The following LRCH1 variants were observed in gnomAD, a reference collection of about 807,000 sequenced individuals.
The protein encoded by LRCH1 is leucine-rich repeat and calponin homology domain-containing protein 1.
A neutral mutation model predicts 94.9 loss-of-function variants in LRCH1; 23 were observed. The ratio of observed to expected loss-of-function variants is 0.24; its 90% confidence interval spans 0.17 to 0.34. The LOEUF (loss-of-function observed/expected upper bound fraction) is 0.34, where lower values mean the gene tolerates loss of function less well. Among genes scored for constraint, LRCH1 ranks in the 10% least tolerant of loss-of-function variants. The pLI, the probability that LRCH1 is intolerant of heterozygous loss-of-function variation, is 1.00. For synonymous variants in LRCH1, 364 were observed against 354.9 expected, an observed-to-expected ratio of 1.03 and a Z score of -0.29; for missense variants, 790 against 945.9, an observed-to-expected ratio of 0.84 and a Z score of 2.16.
downstream of LRCH1, chr13:46,744,902 T>G (rs1422801386): frequency 1.0e-6 from 1 of 984,688 alleles, no homozygotes; most frequent in East Asian, 1.1e-4. Context: ...GTATATAGAA[T>G]GTGCCCTTTT....
chr13:46,741,658 C>T lies in LRCH1; in HGVS notation c.2102C>T (p.Pro701Leu), dbSNP rs1858324389. Residue 701 changes from proline (P) to leucine (L), a missense_variant, in exon 20 of 20, where the codon CCG (proline) becomes CTG (leucine). Pro to Leu is a moderately conservative substitution (Grantham distance 98). Transcript: ENST00000389797. ...TCGGAATAGGCTGACCTCTGCTCTC[C>T]GTGTGACATCCTGCAGTTGGATTTT... ...LGVPEADLCSPCDILQLDFRH... is the reference protein window; with the variant it reads ...LGVPEADLCSLCDILQLDFRH... The T allele has an allele frequency of 7.4e-6, 12 of 1,614,050 alleles. No individual in the cohort carries two copies. In the Middle Eastern group the frequency reaches 6.6e-4, roughly 88 times the overall value.
intron 1 of LRCH1, among the ~76,000 whole-genome samples, chr13:46,581,474 C>A (rs1404348286): frequency 6.6e-6 from 1 of 152,214 alleles, no homozygotes; most frequent in Non-Finnish European, 1.5e-5. Context: ...GTAAGAATAG[C>A]TGGCGTCCAG....
intron 2 of LRCH1, among the ~76,000 whole-genome samples, chr13:46,659,008 T>G (rs886357792): frequency 6.6e-6 from 1 of 152,180 alleles, no homozygotes; most frequent in Non-Finnish European, 1.5e-5. Flanking sequence ...CATTTTAATT[T>G]GGGGCTTCAC....
intron 1 of LRCH1, among the ~76,000 whole-genome samples, chr13:46,594,209 A>G (rs1426831940): frequency 6.6e-6 from 1 of 151,804 alleles, no homozygotes; most frequent in Non-Finnish European, 1.5e-5. Flanking sequence ...CCATGTTCTT[A>G]CTGTTTTGCC....
At chr13:46,706,264 G>A (rs1871754810) in intron 13 of LRCH1, among the ~76,000 whole-genome samples, 2 of 152,172 alleles carry the variant, frequency 1.3e-5, no homozygotes, top group Non-Finnish European at 2.9e-5. Flanking sequence ...ATTCATTACT[G>A]TAATTGGGAT....
At chr13:46,608,140 T>C (rs565985301) in intron 1 of LRCH1, among the ~76,000 whole-genome samples, 20 of 152,198 alleles carry the variant, frequency 1.3e-4, no homozygotes, top group Non-Finnish European at 2.8e-4. Flanking sequence ...CTTTCCAAAG[T>C]TACCAGAACT....
intron 1 of LRCH1, among the ~76,000 whole-genome samples, chr13:46,603,426 T>G (rs2050653323): frequency 6.6e-6 from 1 of 152,126 alleles, no homozygotes; most frequent in Non-Finnish European, 1.5e-5. Flanking sequence ...AAAGCTAGTG[T>G]CGCTGAGGTG....
chr13:46,619,100 C>CTTCCTTCCTTCCTTCT (rs1566180407), intron 1 of LRCH1, among the ~76,000 whole-genome samples: 16 of 76,128 alleles, frequency 2.1e-4, no homozygotes, highest in African/African-American at 1.5e-3. Flanking sequence ...TCCTTCCTTC[C>CTTCCTTCCTTCCTTCT]TTCCTTCCTT....
At chr13:46,660,524 T>C (rs9534454) in intron 2 of LRCH1, among the ~76,000 whole-genome samples, 115,941 of 152,052 alleles carry the variant, frequency 0.76, 44,501 homozygotes, top group East Asian at 0.91. Flanking sequence ...ACACACATTT[T>C]GTATTTTCTC....
At chr13:46,712,054 G>A (rs1165060410) in intron 14 of LRCH1, among the ~76,000 whole-genome samples, 2 of 152,126 alleles carry the variant, frequency 1.3e-5, no homozygotes, top group Non-Finnish European at 2.9e-5. Flanking sequence ...TTTAAAAACC[G>A]AATGTAGGAA....
rs192950952 is a variant in LRCH1 at position 46,711,820 on chromosome 13, C to G, written c.1557C>G (p.Asn519Lys). ...AAAGTGATCTAACATTACAGAGTAA[C>G]GGGAGCCAGTATTCTCCAAATGAGG... Reference protein sequence around the residue: ...EVQSDLTLQSNGSQYSPNEIR... With the variant: ...EVQSDLTLQSKGSQYSPNEIR... The change falls in exon 14 of 20, where the codon AAC becomes AAG. Residue 519 changes from asparagine (N) to lysine (K), a missense_variant. Around this residue, in one of 3 missense-constraint regions of LRCH1, gnomAD observed 460 missense variants for 508.9 expected, o/e 0.90. Transcript: ENST00000389797. 1.2e-6 allele frequency: 2 copies of G among 1,612,864 alleles called. No homozygotes were observed. Among genetic ancestry groups the G allele is most frequent in the South Asian group, 2.2e-5 (2 of 90,962 alleles).
intron 8 of LRCH1, 70 bp from the exon 9 acceptor site, chr13:46,694,823 G>A: frequency 6.5e-7 from 1 of 1,533,474 alleles, no homozygotes; most frequent in Non-Finnish European, 9.0e-7. Flanking sequence ...GATCATATTT[G>A]AAGATCAGCT....
rs114267819 is a variant in LRCH1, at chr13:46,732,640, A to G, written c.2008-1281A>G. Among the ~76,000 whole-genome samples, 1,008 of 152,342 alleles carry G rather than the reference A, an allele frequency of 6.6e-3. 13 individuals are homozygous for G. Among genetic ancestry groups the G allele is most frequent in the African/African-American group, 0.023 (942 of 41,568 alleles). The stretch of plus-strand genomic sequence containing the variant: ...TTCAGAAAAGACTCACCTAAATCAT[A>G]AGTAAATGAAGGAAGATAATGGGCC... On this transcript the variant is annotated intron_variant, in intron 18 of 19. Coordinates refer to ENST00000389797, the MANE Select transcript of LRCH1 (RefSeq NM_001164211.2).
chr13:46,682,758 C>T (rs897463171), intron 4 of LRCH1, among the ~76,000 whole-genome samples: 3 of 152,178 alleles, frequency 2.0e-5, no homozygotes, highest in African/African-American at 7.2e-5. Flanking sequence ...GACATGGCTC[C>T]CAACCATCCA....
At chr13:46,556,892 A>G (rs1334787480) in intron 1 of LRCH1, among the ~76,000 whole-genome samples, 1 of 152,202 alleles carries the variant, frequency 6.6e-6, no homozygotes, top group African/African-American at 2.4e-5. Context: ...TGGGGACACA[A>G]CAGTGACCAA....
At chr13:46,658,510 T>C (rs1300824102) in intron 2 of LRCH1, among the ~76,000 whole-genome samples, 1 of 152,214 alleles carries the variant, frequency 6.6e-6, no homozygotes, top group Non-Finnish European at 1.5e-5. Flanking sequence ...GGCAGGGTCT[T>C]GCTCCATCAC....
chr13:46,715,445 A>G, intron 15 of LRCH1, 115 bp from the exon 16 acceptor site: 1 of 645,272 alleles, frequency 1.5e-6, no homozygotes, highest in Non-Finnish European at 2.8e-6. Flanking sequence ...TATAAATGAA[A>G]TCCACTCTTC....
At chr13:46,603,809 A>G (rs916404832) in intron 1 of LRCH1, among the ~76,000 whole-genome samples, 3 of 152,024 alleles carry the variant, frequency 2.0e-5, no homozygotes, top group Non-Finnish European at 4.4e-5. Context: ...GGCTCGTGCC[A>G]CCATAGCTGG....
chr13:46,735,809 T>TTTTTTTTTTTTTC (rs1566257882), intron 19 of LRCH1, among the ~76,000 whole-genome samples: 4 of 137,662 alleles, frequency 2.9e-5, no homozygotes, highest in Non-Finnish European at 4.7e-5. Context: ...TTTTTTTTTT[T>TTTTTTTTTTTTTC]CGAGATGGAG....
Sources: allele counts gnomAD v4.1 joint callset (sites outside exome capture counted in the v4.1 genomes callset), GRCh38; gene constraint gnomAD v4.1.1; regional missense constraint gnomAD v4.1.1; transcripts MANE v1.5; gene names NCBI Gene and HGNC (gene_info 2026-07-23, HGNC 2026-07-21).